Variants in IL16 observed in about 807,000 individuals in gnomAD.
IL16 encodes interleukin 16.
Under a neutral mutation model 110.1 loss-of-function variants are expected in IL16, and 67 were observed. The ratio of observed to expected loss-of-function variants is 0.61; its 90% CI spans 0.50 to 0.75. The LOEUF (loss-of-function observed/expected upper bound fraction) is 0.75, where lower values mean the gene tolerates loss of function less well. Ranked by LOEUF, IL16 falls within the 30% of genes least tolerant of loss-of-function variation. The pLI, the probability that IL16 is intolerant of heterozygous loss-of-function variation, is 0.00. For synonymous variants in IL16, 689 were observed against 662.9 expected, an observed-to-expected ratio of 1.04 and a Z score of -0.61; for missense variants, 1,545 against 1,655.0, an observed-to-expected ratio of 0.93 and a Z score of 1.15.
chr15:81,208,167 T>C (rs1896105390), intron 1 of IL16, among the ~76,000 whole-genome samples: 2 of 152,250 alleles, frequency 1.3e-5, no homozygotes, highest in Non-Finnish European at 1.5e-5. Context: ...GCTGCTAGTA[T>C]GTCTTCTTTC....
intron 1 of IL16, among the ~76,000 whole-genome samples, chr15:81,201,796 T>A (rs1340186855): frequency 6.6e-6 from 1 of 152,244 alleles, no homozygotes; most frequent in African/African-American, 2.4e-5. Context: ...GTATTCTCTC[T>A]GATTTATTCT....
rs1021367907 is a variant in IL16 at position 81,249,014 on chromosome 15, C to T, written c.313-10758C>T. ...GGGATTACAGACAGACATAAGCCACCGCACCTGGACCTATTTCTGTGATTT... is the reference window on the plus strand; with the variant it reads ...GGGATTACAGACAGACATAAGCCACTGCACCTGGACCTATTTCTGTGATTT... On this transcript the variant is annotated intron_variant, in intron 2 of 18. Transcript: ENST00000683961. Among the ~76,000 whole-genome samples the T allele has an allele frequency of 6.6e-5, 10 of 151,894 alleles. No homozygotes were observed. In the East Asian group the frequency reaches 1.2e-3, roughly 18 times the overall value.
intron 2 of IL16, among the ~76,000 whole-genome samples, chr15:81,245,590 G>A (rs1290640187): frequency 6.6e-6 from 1 of 152,114 alleles, no homozygotes; most frequent in Non-Finnish European, 1.5e-5. Flanking sequence ...TGGAAGTCTA[G>A]CCACTGCTGG....
intron 10 of IL16, among the ~76,000 whole-genome samples, chr15:81,288,846 T>TGTGTGTGC (rs1299421719): frequency 2.0e-5 from 3 of 150,344 alleles, no homozygotes; most frequent in Non-Finnish European, 4.4e-5. Flanking sequence ...TGTGTGTGTG[T>TGTGTGTGC]GTGCGTGTGT....
Position 81,225,594 on chromosome 15 carries a change from C to A in IL16, c.195C>A (p.Asp65Glu). The A allele has an allele frequency of 6.2e-7, 1 of 1,614,108 alleles. No homozygotes were observed. Among genetic ancestry groups the A allele is most frequent in the Non-Finnish European group, 8.5e-7 (1 of 1,180,010 alleles). The change falls in exon 2 of 19, where the codon GAC (aspartate) becomes GAA (glutamate). Residue 65 changes from aspartate (D) to glutamate (E), a missense_variant. Asp to Glu is a conservative substitution (Grantham distance 45, BLOSUM62 2). Around this residue, in one of 3 missense-constraint regions of IL16, gnomAD observed 1,185 missense variants for 1,238.8 expected, o/e 0.96. Transcript: ENST00000683961. ...TCCACTCATCTGTGCAGCTGGCAGA[C>A]ACATCGGAGGCTGGGCCCAGCAGTG... ...GIFHSSVQLA[D>E]TSEAGPSSVP... is the part of the protein sequence containing the mutation.
chr15:81,285,592 T>C (rs1899409007), intron 9 of IL16, 106 bp from the exon 10 acceptor site: 1 of 1,240,624 alleles, frequency 8.1e-7, no homozygotes, highest in Non-Finnish European at 1.1e-6. Context: ...CATGTGATTT[T>C]TATATCTCAT....
At chr15:81,236,960 A>G (rs1272341865) in intron 2 of IL16, among the ~76,000 whole-genome samples, 2 of 152,156 alleles carry the variant, frequency 1.3e-5, no homozygotes, top group Non-Finnish European at 2.9e-5. Flanking sequence ...CTCCATCTCA[A>G]AAAAAGAAAG....
chr15:81,186,023 T>C (rs547432445), intron 1 of IL16, among the ~76,000 whole-genome samples: 13 of 152,326 alleles, frequency 8.5e-5, no homozygotes, highest in African/African-American at 3.1e-4. Flanking sequence ...ATCTTTTTGC[T>C]GGTGGGGCAA....
At position 81,292,717 on chromosome 15, in the gene IL16, G is replaced by T; in HGVS notation, c.1582G>T (p.Gly528Cys). ...SGSPGGSPGSGSAEKPSSDVD... is the reference protein window; with the variant it reads ...SGSPGGSPGSCSAEKPSSDVD... ...GTCCCCAGGGGGAAGTCCTGGGAGT[G>T]GCAGTGCTGAGAAGCCGTCCTCTGA... The change falls in exon 12 of 19, where the codon GGC becomes TGC. Residue 528 changes from glycine to cysteine, a missense_variant. Around this residue, in one of 3 missense-constraint regions of IL16, gnomAD observed 1,185 missense variants for 1,238.8 expected, o/e 0.96. Transcript: ENST00000683961. 6.2e-7 allele frequency: 1 copy of T among 1,614,164 alleles called. No homozygotes were observed. The highest frequency in any genetic ancestry group is 8.5e-7 in the Non-Finnish European group (1 of 1,180,026).
At chr15:81,190,752 T>C (rs755352496) in intron 1 of IL16, among the ~76,000 whole-genome samples, 3 of 152,198 alleles carry the variant, frequency 2.0e-5, no homozygotes, top group Non-Finnish European at 4.4e-5. Flanking sequence ...TAGGGACTTA[T>C]GTCCAGAAGC....
intron 1 of IL16, among the ~76,000 whole-genome samples, chr15:81,185,102 G>C (rs1347347534): frequency 6.6e-6 from 1 of 152,076 alleles, no homozygotes; most frequent in East Asian, 1.9e-4. Flanking sequence ...TGGGGCGTAG[G>C]GTTTGAGGAG....
Position 81,303,785 on chromosome 15 carries a change from C to G in IL16, c.3420+135C>G. ...CACTAGGCCACTGGGCAGGTCCTGT[C>G]CACTCAGCACATCCCAGAGCCTGGG... On this transcript the variant is annotated intron_variant, in intron 16 of 18. Transcript: ENST00000683961. This position sits in a 1 kb window ranked among gnomAD's most constrained non-coding sequence, Gnocchi z 4.1. 2 of 657,044 alleles carry G rather than the reference C, an allele frequency of 3.0e-6. No individual in the cohort carries two copies. Among genetic ancestry groups the G allele is most frequent in the Non-Finnish European group, 5.5e-6 (2 of 360,406 alleles). The allele number at this position is 657,044 out of a possible 1,614,324, so 40.7% of individuals were successfully genotyped here.
At chr15:81,201,463 C>T (rs540706162) in intron 1 of IL16, among the ~76,000 whole-genome samples, 54 of 152,270 alleles carry the variant, frequency 3.5e-4, no homozygotes, top group Non-Finnish European at 4.4e-5. Context: ...TTTAATGGCC[C>T]TGCCCTTAGT....
chr15:81,301,398 T>C lies in IL16; in HGVS notation c.3204T>C (p.Asp1068=). 6.2e-7 allele frequency: 1 copy of C among 1,614,072 alleles called. No homozygotes were observed. Among genetic ancestry groups the C allele is most frequent in the Non-Finnish European group, 8.5e-7 (1 of 1,179,970 alleles). The change falls in exon 15 of 19, where the codon GAT becomes GAC. Residue 1068 remains aspartate, a synonymous_variant. Coordinates refer to ENST00000683961, the MANE Select transcript of IL16 (RefSeq NM_172217.5). ...TEGLTEAKED[D]DGDHSSLQSG... ...GTCTCACGGAAGCCAAGGAAGACGA[T>C]GATGGGGACCACAGTTCCCTTCAGT...
intron 1 of IL16, among the ~76,000 whole-genome samples, chr15:81,221,232 A>G (rs537277678): frequency 6.6e-6 from 1 of 152,236 alleles, no homozygotes; most frequent in Non-Finnish European, 1.5e-5. Context: ...GAAGTAAAAC[A>G]ACTGATCGCA....
At chr15:81,184,785 C>T (rs1218927004) in intron 1 of IL16, among the ~76,000 whole-genome samples, 1 of 152,160 alleles carries the variant, frequency 6.6e-6, no homozygotes, top group Admixed American at 6.5e-5. Flanking sequence ...TGGATAAGCC[C>T]CTTTCCATAT....
At chr15:81,298,047 C>T (rs1045641906) in intron 13 of IL16, among the ~76,000 whole-genome samples, 19 of 152,294 alleles carry the variant, frequency 1.2e-4, no homozygotes, top group South Asian at 4.1e-4. Flanking sequence ...CAAAAGCAAA[C>T]GCCTCAGTGT....
chr15:81,216,881 A>G (rs1896453744), intron 1 of IL16, among the ~76,000 whole-genome samples: 1 of 152,202 alleles, frequency 6.6e-6, no homozygotes. Flanking sequence ...CTTCAAGGTC[A>G]GGCATAGTAA....
intron 3 of IL16, among the ~76,000 whole-genome samples, 173 bp from the exon 4 acceptor site, chr15:81,265,486 T>A (rs1898334699): frequency 6.6e-6 from 1 of 152,238 alleles, no homozygotes; most frequent in Non-Finnish European, 1.5e-5. Flanking sequence ...ATCATGACAA[T>A]GCTGCTCATG....
Sources: gnomAD v4.1 joint callset for allele counts (sites outside exome capture counted in the v4.1 genomes callset) on GRCh38, gnomAD v4.1.1 for gene constraint, gnomAD v4.1.1 regional missense constraint, Gnocchi (gnomAD v3.1) non-coding constraint, MANE v1.5 for transcripts, NCBI Gene and HGNC (gene_info 2026-07-23, HGNC 2026-07-21) for gene names.